The following CACNG4 variants were observed in gnomAD, a reference collection of about 807,000 sequenced individuals.
The protein encoded by CACNG4 is voltage-dependent calcium channel gamma-4 subunit.
Under a neutral mutation model 22.9 loss-of-function variants are expected in CACNG4, and 8 were observed. The ratio of observed to expected loss-of-function variants is 0.35; its 90% CI spans 0.21 to 0.63. CACNG4 has a LOEUF of 0.63. CACNG4 is among the 30% of genes least tolerant of loss of function. The probability of loss-of-function intolerance (pLI) is 0.72; values close to 1 mark genes in which losing one functional copy is unlikely to be tolerated. For missense variants in CACNG4, 357 were observed against 455.4 expected, an observed-to-expected ratio of 0.78 and a Z score of 1.97; for synonymous variants, 188 against 191.9, an observed-to-expected ratio of 0.98 and a Z score of 0.17.
intron 1 of CACNG4, among the ~76,000 whole-genome samples, chr17:66,970,594 T>C (rs886725244): frequency 6.6e-6 from 1 of 152,184 alleles, no homozygotes; most frequent in African/African-American, 2.4e-5. Flanking sequence ...GGCCAGATCA[T>C]TCTATTAAAA....
At chr17:66,991,035 T>G (rs2035337251) in intron 1 of CACNG4, among the ~76,000 whole-genome samples, 1 of 152,118 alleles carries the variant, frequency 6.6e-6, no homozygotes, top group Non-Finnish European at 1.5e-5. Flanking sequence ...AGGGCTGATA[T>G]GAGGATTAGA....
intron 1 of CACNG4, among the ~76,000 whole-genome samples, chr17:66,996,326 C>G (rs2035374761): frequency 6.6e-6 from 1 of 151,584 alleles, no homozygotes; most frequent in Admixed American, 6.6e-5. Flanking sequence ...CCCTGGCCTC[C>G]TAGATCCTGA....
At chr17:66,974,721 G>T (rs959582368) in intron 1 of CACNG4, among the ~76,000 whole-genome samples, 5 of 152,162 alleles carry the variant, frequency 3.3e-5, no homozygotes, top group Admixed American at 6.5e-5. Context: ...CCCCGAATGT[G>T]CACAGGGGAC....
chr17:66,969,472 G>C (rs2035191145), intron 1 of CACNG4, among the ~76,000 whole-genome samples: 1 of 152,244 alleles, frequency 6.6e-6, no homozygotes, highest in African/African-American at 2.4e-5. Context: ...CTGGGTACTA[G>C]TGGGGGAAGT....
chr17:67,005,633 TC>T lies in CACNG4; in HGVS notation c.221-12555del, dbSNP rs369757848. 1.3e-4 allele frequency among the ~76,000 whole-genome samples: 20 copies of T among 152,348 alleles called. No homozygotes were observed. The East Asian group carries it at 3.9e-3, about 29-fold the overall frequency. ...AACCAGAATGGGCTGCAGACAGGCCTCGGTCCCCGAGTGGATTTTGTATCAG... is the reference window on the plus strand; with the variant it reads ...AACCAGAATGGGCTGCAGACAGGCCTGGTCCCCGAGTGGATTTTGTATCAG... On this transcript the variant is annotated intron_variant, in intron 1 of 3. Transcript: ENST00000262138.
intron 2 of CACNG4, among the ~76,000 whole-genome samples, chr17:67,022,133 T>C (rs1021771217): frequency 2.0e-5 from 3 of 150,460 alleles, no homozygotes; most frequent in African/African-American, 7.3e-5. Context: ...TGGAGTGCAG[T>C]GGCGCGATCT....
chr17:66,999,343 C>T (rs2143322697), intron 1 of CACNG4, among the ~76,000 whole-genome samples: 1 of 152,300 alleles, frequency 6.6e-6, no homozygotes, highest in Non-Finnish European at 1.5e-5. Flanking sequence ...GACCCCAGGG[C>T]ACCGCCCCCA....
chr17:67,004,517 C>G (rs971816797), intron 1 of CACNG4, among the ~76,000 whole-genome samples: 1 of 152,104 alleles, frequency 6.6e-6, no homozygotes, highest in Non-Finnish European at 1.5e-5. Context: ...TTCCCTGGAG[C>G]CCTGTGGTCT....
Position 66,965,052 on chromosome 17 carries a change from C to T in CACNG4, c.141C>T (p.Thr47=), listed in dbSNP as rs750998207. 6.2e-7 allele frequency: 1 copy of T among 1,605,716 alleles called. No individual in the cohort carries two copies. Among genetic ancestry groups the T allele is most frequent in the Non-Finnish European group, 8.5e-7 (1 of 1,176,884 alleles). The change falls in exon 1 of 4, where the codon ACC becomes ACT. Residue 47 remains threonine, a synonymous_variant. Coordinates refer to ENST00000262138, the MANE Select transcript of CACNG4 (RefSeq NM_014405.4). ...ACATCTGCAACGGCACCAACCTGAC[C>T]ATGGACGACGGGCCCCCGCCCCGCC... The part of the protein sequence containing the change: ...SAHICNGTNL[T]MDDGPPPRRA...
chr17:67,021,637 C>T (rs914412010), intron 2 of CACNG4: 1 of 152,346 alleles, frequency 6.6e-6, no homozygotes, highest in Non-Finnish European at 1.5e-5. Flanking sequence ...CTTCCACAGG[C>T]TCTGCTGGTC....
intron 1 of CACNG4, among the ~76,000 whole-genome samples, chr17:67,013,208 G>A (rs1169909683): frequency 6.6e-6 from 1 of 152,044 alleles, no homozygotes; most frequent in Non-Finnish European, 1.5e-5. Context: ...TGGAAGGAGA[G>A]GCTCAAATGC....
chr17:66,983,270 C>G (rs1001621893), intron 1 of CACNG4, among the ~76,000 whole-genome samples: 7 of 152,234 alleles, frequency 4.6e-5, no homozygotes, highest in African/African-American at 1.7e-4. Context: ...TCTCCAGCCC[C>G]AAAGCCCCTG....
At chr17:67,025,467 A>C (rs2035558417) in intron 3 of CACNG4, among the ~76,000 whole-genome samples, 1 of 152,240 alleles carries the variant, frequency 6.6e-6, no homozygotes, top group Non-Finnish European at 1.5e-5. Flanking sequence ...AGGTAAAGAC[A>C]GGGCGAGGGC....
In CACNG4 at chr17:67,031,008, G is replaced by T. The variant is rs549021391; in HGVS notation, c.*4G>T. On this transcript the variant is annotated 3_prime_UTR_variant, in exon 4 of 4. Transcript: ENST00000262138. This position sits in a 1 kb window ranked among gnomAD's most constrained non-coding sequence, Gnocchi z 4.0. ...CCGACGGACGACCCCTGTGTGAGCC[G>T]CCTGCCCTTTCTCTCCGCTCCAGCC... The T allele has an allele frequency of 3.1e-6, 5 of 1,604,700 alleles. No homozygotes were observed. The highest frequency in any genetic ancestry group is 4.3e-6 in the Non-Finnish European group (5 of 1,174,102).
intron 1 of CACNG4, among the ~76,000 whole-genome samples, chr17:66,987,249 T>G (rs992074137): frequency 6.6e-5 from 10 of 152,190 alleles, no homozygotes; most frequent in Non-Finnish European, 1.3e-4. Context: ...ATTCTTTCTA[T>G]TGCAATTGGG....
Position 67,021,468 on chromosome 17 carries a change from C to G in CACNG4, c.304+3196C>G, listed in dbSNP as rs148571597. Among the ~76,000 whole-genome samples the G allele has an allele frequency of 6.6e-3, 1,005 of 152,360 alleles. 14 individuals carry two copies. The highest frequency in any genetic ancestry group is 0.022 in the African/African-American group (934 of 41,580). ...TGACAATTCAAGAAGGAACTCCGCCCCGAGCCATGCTTTCTGAAGCCTTCC... is the reference window on the plus strand; with the variant it reads ...TGACAATTCAAGAAGGAACTCCGCCGCGAGCCATGCTTTCTGAAGCCTTCC... On this transcript the variant is annotated intron_variant, in intron 2 of 3. Transcript: ENST00000262138.
At chr17:67,003,573 T>G (rs1188483979) in intron 1 of CACNG4, among the ~76,000 whole-genome samples, 1 of 152,094 alleles carries the variant, frequency 6.6e-6, no homozygotes, top group Non-Finnish European at 1.5e-5. Context: ...CATTTGGAGC[T>G]AAATCATTAT....
rs1265768894 is a variant in CACNG4 at position 67,033,297 on chromosome 17, CT to C, written c.*2294del. On this transcript the variant is annotated 3_prime_UTR_variant, in exon 4 of 4. Coordinates refer to ENST00000262138, the MANE Select transcript of CACNG4 (RefSeq NM_014405.4). ...CCGACCCGCCCCCTCGCCCCCACCC[CT>C]GTGTGTTTCGCCAGTTAAGCACCTG... 1 of 152,248 alleles carries C rather than the reference CT, an allele frequency of 6.6e-6. No homozygotes were observed. Among genetic ancestry groups the C allele is most frequent in the Non-Finnish European group, 1.5e-5 (1 of 68,074 alleles). The allele number at this position is 152,248 out of a possible 1,614,324, so 9.4% of individuals were successfully genotyped here. A position where few individuals can be genotyped will look rare whatever the true frequency, so the allele number is the denominator to read the frequency against.
At chr17:67,025,124 A>G (rs1262343344) in intron 3 of CACNG4, 124 bp downstream of exon 3, 5 of 893,426 alleles carry the variant, frequency 5.6e-6, no homozygotes, top group South Asian at 2.5e-5. Context: ...ACATCGCCAC[A>G]TGCAACTGAC....
Sources: allele counts gnomAD v4.1 joint callset (sites outside exome capture counted in the v4.1 genomes callset), GRCh38; gene constraint gnomAD v4.1.1; non-coding constraint Gnocchi (gnomAD v3.1); transcripts MANE v1.5; gene names NCBI Gene and HGNC (gene_info 2026-07-23, HGNC 2026-07-21).